Variants in AFF4 observed in about 807,000 individuals in gnomAD.
AFF4 encodes ALF transcription elongation factor 4, also known as AF4/FMR2 family member 4.
A neutral mutation model predicts 124.8 loss-of-function variants in AFF4; 13 were observed. The observed-to-expected ratio is 0.10, with a 90% confidence interval of 0.07 to 0.17. AFF4 has a LOEUF of 0.17. AFF4 is among the 10% of genes least tolerant of loss of function. The pLI is 1.00. For synonymous variants in AFF4, 477 were observed against 496.1 expected (o/e 0.96, Z 0.51); for missense variants, 1,092 against 1,403.8 (o/e 0.78, Z 3.55).
chr5:132,934,009 T>G, intron 3 of AFF4, 138 bp downstream of exon 3: 1 of 1,000,682 alleles, frequency 1.0e-6, no homozygotes, highest in South Asian at 1.8e-5. Context: ...AGTCTGTCTT[T>G]ACATTTTTTT....
rs781454670 is a variant in AFF4 at position 132,883,362 on chromosome 5, T to A, written c.3342A>T (p.Glu1114Asp). Residue 1114 changes from glutamate (E) to aspartate (D), a missense_variant, in exon 20 of 21, where the codon GAA (glutamate) becomes GAT (aspartate). Coordinates refer to ENST00000265343, the MANE Select transcript of AFF4 (RefSeq NM_014423.4). ...LYATEIWDQA[E>D]QLSKEQKEFF... ...TACCTTTTTGCTCTTTGGAAAGCTG[T>A]TCAGCTTGGTCCCAAATTTCGGTGG... is the stretch of plus-strand genomic sequence containing the variant. 1.2e-6 allele frequency: 2 copies of A among 1,613,936 alleles called. No homozygotes were observed. Among genetic ancestry groups the A allele is most frequent in the East Asian group, 4.5e-5 (2 of 44,904 alleles).
chr5:132,896,238 C>T (rs767802787), intron 11 of AFF4, 85 bp downstream of exon 11: 8 of 1,472,262 alleles, frequency 5.4e-6, no homozygotes, highest in Admixed American at 2.3e-5. Context: ...TTATGACCCA[C>T]CTTGTTACTT....
In AFF4 at chr5:132,899,444, A is replaced by G. The variant is rs528664917; in HGVS notation, c.1188+143T>C. On this transcript the variant is annotated intron_variant, in intron 8 of 20. Coordinates refer to ENST00000265343, the MANE Select transcript of AFF4 (RefSeq NM_014423.4). ...GAAAAAAATGGAGATTTAAAAACAG[A>G]GAAGAAAACTACAACATTTCAGTGT... 1.2e-5 allele frequency: 10 copies of G among 841,172 alleles called. No homozygotes were observed. In the South Asian group the frequency reaches 1.6e-4, roughly 13 times the overall value. The allele number at this position is 841,172 out of a possible 1,614,324, so 52.1% of individuals were successfully genotyped here. A position where few individuals can be genotyped will look rare whatever the true frequency, so the allele number is the denominator to read the frequency against.
At chr5:132,952,604 C>T (rs1237090726) in intron 1 of AFF4, among the ~76,000 whole-genome samples, 1 of 152,122 alleles carries the variant, frequency 6.6e-6, no homozygotes, top group African/African-American at 2.4e-5. Context: ...CTTAAAATAT[C>T]TCTATGTGGC....
chr5:132,901,572 G>C (rs1760552603), intron 7 of AFF4, among the ~76,000 whole-genome samples: 2 of 151,924 alleles, frequency 1.3e-5, no homozygotes, highest in Admixed American at 6.6e-5. Context: ...CTTTAAGTTG[G>C]AATTTATTTT....
chr5:132,924,967 G>A (rs1761135377), intron 5 of AFF4, among the ~76,000 whole-genome samples: 1 of 151,886 alleles, frequency 6.6e-6, no homozygotes, highest in South Asian at 2.1e-4. Context: ...CCTGACGTCA[G>A]GAGTTCAGAC....
intron 1 of AFF4, among the ~76,000 whole-genome samples, chr5:132,944,627 A>G (rs1299262268): frequency 6.6e-6 from 1 of 152,082 alleles, no homozygotes; most frequent in Non-Finnish European, 1.5e-5. Context: ...AGCCTGAGTG[A>G]CAGAGTGAGA....
At chr5:132,946,559 T>C (rs1431336881) in intron 1 of AFF4, among the ~76,000 whole-genome samples, 1 of 152,196 alleles carries the variant, frequency 6.6e-6, no homozygotes, top group Admixed American at 6.6e-5. Flanking sequence ...CGTTATGCTA[T>C]GTGAAATAAG....
intron 5 of AFF4, among the ~76,000 whole-genome samples, chr5:132,923,379 AG>A (rs1337502757): frequency 6.6e-6 from 1 of 151,492 alleles, no homozygotes; most frequent in Non-Finnish European, 1.5e-5. Flanking sequence ...AAGGAGAGAG[AG>A]AGAGAGAGAG....
intron 1 of AFF4, among the ~76,000 whole-genome samples, chr5:132,947,876 A>G (rs1761737976): frequency 6.6e-6 from 1 of 152,180 alleles, no homozygotes; most frequent in Non-Finnish European, 1.5e-5. Flanking sequence ...CTTTGCCCCA[A>G]AGTTAGTCAT....
intron 5 of AFF4, among the ~76,000 whole-genome samples, chr5:132,924,786 C>T (rs182568741): frequency 1.1e-4 from 17 of 152,032 alleles, no homozygotes; most frequent in Non-Finnish European, 8.8e-5. Flanking sequence ...ACCCAGGAGG[C>T]GGAGGTTGCA....
chr5:132,932,545 T>C (rs1761325242), intron 3 of AFF4, among the ~76,000 whole-genome samples: 1 of 152,226 alleles, frequency 6.6e-6, no homozygotes, highest in Non-Finnish European at 1.5e-5. Flanking sequence ...TACCTATATA[T>C]AAAACATATC....
chr5:132,877,151 T>C lies in AFF4; in HGVS notation c.*3908A>G, dbSNP rs908356384. On this transcript the variant is annotated 3_prime_UTR_variant, in exon 21 of 21. Transcript: ENST00000265343. ...TACTTAGGTTTTTTAAAAAACATCA[T>C]CACAAGCTGCCTAACAGTCATCCCC... 1.4e-5 allele frequency: 3 copies of C among 206,942 alleles called. No homozygotes were observed. Among genetic ancestry groups the C allele is most frequent in the African/African-American group, 6.8e-5 (3 of 43,996 alleles). 12.8% of individuals were successfully genotyped at this position (206,942 alleles called of 1,614,324 possible). A position where few individuals can be genotyped will look rare whatever the true frequency, so the allele number is the denominator to read the frequency against.
At chr5:132,963,090 G>A (rs961786044) in intron 1 of AFF4, among the ~76,000 whole-genome samples, 169 bp downstream of exon 1, 1 of 152,134 alleles carries the variant, frequency 6.6e-6, no homozygotes, top group East Asian at 1.9e-4. Context: ...GAAGGTGGTG[G>A]GGTGGGACGC....
rs1055141349 is a variant in AFF4 at position 132,885,923 on chromosome 5, G to A, written c.3099+387C>T. 2.0e-5 allele frequency among the ~76,000 whole-genome samples: 3 copies of A among 152,008 alleles called. No individual in the cohort carries two copies. The East Asian group carries it at 5.8e-4, about 29-fold the overall frequency. ...CAAGTAGCTGGGACTACAGGCGTGT[G>A]GCACCATGCCTGGCTAATTTTTGTA... On this transcript the variant is annotated intron_variant, in intron 18 of 20. Transcript: ENST00000265343.
Position 132,904,376 on chromosome 5 carries a change from C to T in AFF4, c.1079G>A (p.Gly360Glu). The T allele has an allele frequency of 6.2e-7, 1 of 1,611,300 alleles. No homozygotes were observed. The highest frequency in any genetic ancestry group is 1.1e-5 in the South Asian group (1 of 90,616). The change falls in exon 6 of 21, where the codon GGA becomes GAA. Residue 360 changes from glycine to glutamate, a missense_variant. This residue lies in a region of AFF4 where 148 missense variants were observed against 196.3 expected (regional missense o/e 0.75). Coordinates refer to ENST00000265343, the MANE Select transcript of AFF4 (RefSeq NM_014423.4). ...KESQQSNFGT[G>E]EQKRYNPSKT... Reference sequence around the variant, plus strand: ...GGGAAAGAAATACTCACTTTGTTCTCCAGTGCCAAAATTGGACTGCTGAGA... The same window carrying T: ...GGGAAAGAAATACTCACTTTGTTCTTCAGTGCCAAAATTGGACTGCTGAGA...
In AFF4 at chr5:132,897,316, A is replaced by G. The variant is rs1461201210; in HGVS notation, c.1390-76T>C. On this transcript the variant is annotated intron_variant, in intron 10 of 20. Coordinates refer to ENST00000265343, the MANE Select transcript of AFF4 (RefSeq NM_014423.4). ...CGTTCTCCCTCCTTTACAACCTCAA[A>G]GAAGAGGAAAAACCACAATGCCTAA... 5 of 1,492,842 alleles carry G rather than the reference A, an allele frequency of 3.3e-6. No homozygotes were observed. In the African/African-American group the frequency reaches 7.0e-5, roughly 21 times the overall value. 92.5% of individuals were successfully genotyped at this position (1,492,842 alleles called of 1,614,324 possible).
chr5:132,901,210 A>G (rs1376443322), intron 7 of AFF4: 1 of 951,686 alleles, frequency 1.1e-6, no homozygotes, highest in South Asian at 4.9e-5. Context: ...TTGTTTACAC[A>G]TGTGAATATG....
Position 132,927,218 on chromosome 5 carries a change from A to AT in AFF4, c.964-12dup. The AT allele has an allele frequency of 6.2e-7, 1 of 1,607,472 alleles. No individual in the cohort carries two copies. Among genetic ancestry groups the AT allele is most frequent in the Non-Finnish European group, 8.5e-7 (1 of 1,177,106 alleles). On this transcript the variant is annotated splice_polypyrimidine_tract_variant and intron_variant, in intron 4 of 20. Transcript: ENST00000265343. ...TGAATGCGTCATCTCCTGAAATGTAATTATTACAGTTTGTTTTCAACCAGG... is the reference window on the plus strand; with the variant it reads ...TGAATGCGTCATCTCCTGAAATGTAATTTATTACAGTTTGTTTTCAACCAGG...
Sources: gnomAD v4.1 joint callset for allele counts (sites outside exome capture counted in the v4.1 genomes callset) on GRCh38, gnomAD v4.1.1 for gene constraint, gnomAD v4.1.1 regional missense constraint, MANE v1.5 for transcripts, NCBI Gene and HGNC (gene_info 2026-07-23, HGNC 2026-07-21) for gene names.